TMEM245: variants seen among roughly 807,000 people sequenced by gnomAD.
TMEM245 encodes transmembrane protein 245, also known as protein CG-2.
Under a neutral mutation model 101.2 loss-of-function variants are expected in TMEM245, and 69 were observed. The observed-to-expected ratio is 0.68, with a 90% CI of 0.56 to 0.83. TMEM245 has a LOEUF of 0.83. Among genes scored for constraint, TMEM245 ranks in the 40% least tolerant of loss-of-function variants. The pLI, the probability that TMEM245 is intolerant of heterozygous loss-of-function variation, is 0.00. For missense variants in TMEM245, 1,075 were observed against 1,092.8 expected (o/e 0.98, Z 0.23); for synonymous variants, 537 against 449.8 (o/e 1.19, Z -2.45).
At chr9:109,058,167 AT>A (rs562527054) in intron 11 of TMEM245, among the ~76,000 whole-genome samples, 4 of 146,226 alleles carry the variant, frequency 2.7e-5, no homozygotes, top group Middle Eastern at 3.5e-3. Flanking sequence ...CGCCTGGCTA[AT>A]TTTTTTTTTG....
chr9:109,111,041 C>A (rs1252373800), intron 1 of TMEM245, among the ~76,000 whole-genome samples: 1 of 147,122 alleles, frequency 6.8e-6, no homozygotes, highest in Admixed American at 6.7e-5. Context: ...ATAGAAATCA[C>A]AACATGATAA....
chr9:109,119,545 C>T lies in TMEM245; in HGVS notation c.369G>A (p.Ala123=). 3 of 1,531,518 alleles carry T rather than the reference C, an allele frequency of 2.0e-6. No individual in the cohort carries two copies. The highest frequency in any genetic ancestry group is 1.2e-5 in the South Asian group (1 of 83,422). The allele number at this position is 1,531,518 out of a possible 1,614,324, so 94.9% of individuals were successfully genotyped here. A position where few individuals can be genotyped will look rare whatever the true frequency, so the allele number is the denominator to read the frequency against. The change falls in exon 1 of 18, where the codon GCG becomes GCA. Residue 123 remains alanine (A), a synonymous_variant. Coordinates refer to ENST00000374586, the MANE Select transcript of TMEM245 (RefSeq NM_032012.4). ...HRAHTPIVLA[A]LLLPLCFVDY... ...CGACGAAGCAGAGCGGCAGGAGCAG[C>T]GCGGCCAGGACGATGGGCGTGTGCG...
At chr9:109,105,012 G>T (rs1176392911) in intron 3 of TMEM245, among the ~76,000 whole-genome samples, 1 of 152,062 alleles carries the variant, frequency 6.6e-6, no homozygotes, top group Admixed American at 6.5e-5. Flanking sequence ...AGATAAACTG[G>T]ACTTCATCAA....
intron 12 of TMEM245, among the ~76,000 whole-genome samples, chr9:109,055,029 A>G (rs954035016): frequency 1.3e-5 from 2 of 152,224 alleles, no homozygotes; most frequent in Non-Finnish European, 2.9e-5. Flanking sequence ...TTGAGGGATT[A>G]CATGGCAAAA....
At chr9:109,022,445 C>G (rs1018576415) in intron 17 of TMEM245, among the ~76,000 whole-genome samples, 2 of 148,590 alleles carry the variant, frequency 1.3e-5, no homozygotes, top group Non-Finnish European at 3.0e-5. Context: ...GATTTGTATA[C>G]GCACATGTAT....
chr9:109,104,350 TAAAA>T (rs1193404773), intron 3 of TMEM245, among the ~76,000 whole-genome samples: 1 of 151,654 alleles, frequency 6.6e-6, no homozygotes, highest in East Asian at 1.9e-4. Context: ...AATTTAAAAT[TAAAA>T]AAAACACTAA....
intron 13 of TMEM245, 48 bp downstream of exon 13, chr9:109,050,522 C>G: frequency 6.2e-7 from 1 of 1,613,242 alleles, no homozygotes; most frequent in Non-Finnish European, 8.5e-7. Context: ...CAGAAATATG[C>G]TTTAACAGGG....
chr9:109,025,468 C>A (rs1044210718), intron 17 of TMEM245, among the ~76,000 whole-genome samples: 1 of 152,198 alleles, frequency 6.6e-6, no homozygotes, highest in South Asian at 2.1e-4. Context: ...GTTACTCAAT[C>A]TTCCCTAGAG....
At position 109,016,940 on chromosome 9, in the gene TMEM245, G is replaced by T. The variant is rs551546974; in HGVS notation, c.*3520C>A. 31 of 151,340 alleles carry T rather than the reference G, an allele frequency of 2.0e-4. No individual in the cohort carries two copies. The East Asian group carries it at 4.3e-3, about 21-fold the overall frequency. 9.4% of individuals were successfully genotyped at this position (151,340 alleles called of 1,614,324 possible). The stretch of plus-strand genomic sequence containing the variant: ...GAAGTCCTAAGGGTTTTTGTATTTT[G>T]TTTTTTTTTCCTATAAACCCTGAGG... On this transcript the variant is annotated 3_prime_UTR_variant, in exon 18 of 18. Coordinates refer to ENST00000374586, the MANE Select transcript of TMEM245 (RefSeq NM_032012.4).
At chr9:109,052,495 T>G (rs920866362) in intron 12 of TMEM245, among the ~76,000 whole-genome samples, 3 of 152,228 alleles carry the variant, frequency 2.0e-5, no homozygotes, top group African/African-American at 7.2e-5. Context: ...ATGAAAAGTC[T>G]TCTCCATTCC....
chr9:109,093,506 G>A lies in TMEM245; in HGVS notation c.885C>T (p.Ser295=). ...GCTGAGTGGAGGGCTGGTCTTCACT[G>A]CTTGATTCATACCCTGTGATAGAGA... ...LAISITGYES[S]SEDQPSTQPA... The change falls in exon 4 of 18, where the codon AGC becomes AGT. Residue 295 remains serine (S), a synonymous_variant. Coordinates refer to ENST00000374586, the MANE Select transcript of TMEM245 (RefSeq NM_032012.4). 1 of 1,614,024 alleles carries A rather than the reference G, an allele frequency of 6.2e-7. No homozygotes were observed. Among genetic ancestry groups the A allele is most frequent in the Non-Finnish European group, 8.5e-7 (1 of 1,179,990 alleles).
intron 9 of TMEM245, among the ~76,000 whole-genome samples, chr9:109,069,857 A>G (rs1359246991): frequency 6.6e-6 from 1 of 152,118 alleles, no homozygotes; most frequent in Non-Finnish European, 1.5e-5. Context: ...CGTTCCCAAT[A>G]ATTTCTCATC....
chr9:109,106,252 TATAAAAATAAAATATTTTA>T (rs1190489903), intron 3 of TMEM245, among the ~76,000 whole-genome samples: 4 of 151,592 alleles, frequency 2.6e-5, no homozygotes, highest in African/African-American at 4.8e-5. Flanking sequence ...TATTTTATTT[TATAAAAATAAAATATTTTA>T]ATAAAATTAA....
chr9:109,050,661 C>T lies in TMEM245; in HGVS notation c.1886G>A (p.Arg629Gln), dbSNP rs765672776. 4.3e-6 allele frequency: 7 copies of T among 1,612,640 alleles called. No individual in the cohort carries two copies. The highest frequency in any genetic ancestry group is 5.9e-6 in the Non-Finnish European group (7 of 1,179,762). The change falls in exon 13 of 18, where the codon CGG (arginine) becomes CAG (glutamine). Residue 629 changes from arginine to glutamine, a missense_variant. This residue lies in a region of TMEM245 where 267 missense variants were observed against 351.3 expected (regional missense o/e 0.76). Transcript: ENST00000374586. ...ILESLWIVMS[R>Q]NVSLLFTTVT... Reference sequence around the variant, plus strand: ...AGTGGTGAACAGCAGGCTCACATTCCGGCTCATAACGATCCACAGAGACTC... The same window carrying T: ...AGTGGTGAACAGCAGGCTCACATTCTGGCTCATAACGATCCACAGAGACTC...
chr9:109,054,454 A>G (rs1413209838), intron 12 of TMEM245, among the ~76,000 whole-genome samples: 1 of 152,226 alleles, frequency 6.6e-6, no homozygotes, highest in African/African-American at 2.4e-5. Flanking sequence ...CTAAAGTGTC[A>G]AAAATTGAAA....
rs767051090 is a variant in TMEM245, at chr9:109,018,138, A to G, written c.*2322T>C. On this transcript the variant is annotated 3_prime_UTR_variant, in exon 18 of 18. Coordinates refer to ENST00000374586, the MANE Select transcript of TMEM245 (RefSeq NM_032012.4). ...GAAACATTAGCTGTAGTTTTTTGCA[A>G]TATCACTTTATACAGCTAAAATCAC... 20 of 152,240 alleles carry G rather than the reference A, an allele frequency of 1.3e-4. No individual in the cohort carries two copies. The highest frequency in any genetic ancestry group is 2.9e-4 in the Non-Finnish European group (20 of 68,040). 9.4% of individuals were successfully genotyped at this position (152,240 alleles called of 1,614,324 possible). A position where few individuals can be genotyped will look rare whatever the true frequency, so the allele number is the denominator to read the frequency against.
rs1261591603 is a variant in TMEM245, at chr9:109,080,878, C to A, written c.1410G>T (p.Val470=). ...IISIFIIFLL[V]IGTLLLALLL... is the part of the protein sequence containing the mutation. The stretch of plus-strand genomic sequence containing the variant: ...GTAGGGCTAAAAGAAGAGTTCCTAT[C>A]ACTAACAAAAATATGATGAAAATGC... The change falls in exon 8 of 18, where the codon GTG becomes GTT. Residue 470 remains valine, a synonymous_variant. Coordinates refer to ENST00000374586, the MANE Select transcript of TMEM245 (RefSeq NM_032012.4). The A allele has an allele frequency of 6.2e-7, 1 of 1,609,764 alleles. No individual in the cohort carries two copies. Among genetic ancestry groups the A allele is most frequent in the Non-Finnish European group, 8.5e-7 (1 of 1,176,664 alleles).
At chr9:109,076,722 G>A (rs1829521747) in intron 8 of TMEM245, among the ~76,000 whole-genome samples, 1 of 152,006 alleles carries the variant, frequency 6.6e-6, no homozygotes, top group Non-Finnish European at 1.5e-5. Context: ...CAGTGATCTC[G>A]CTCTGTCACC....
chr9:109,090,915 T>C lies in TMEM245; in HGVS notation c.1150+7A>G, dbSNP rs1483413342. On this transcript the variant is annotated splice_region_variant and intron_variant, in intron 5 of 17. Transcript: ENST00000374586. ...CAAGACGAGATCGTACTTAACCAGATAACGACCTGCAATCGGCACTGGCAG... is the reference window on the plus strand; with the variant it reads ...CAAGACGAGATCGTACTTAACCAGACAACGACCTGCAATCGGCACTGGCAG... The C allele has an allele frequency of 1.9e-6, 3 of 1,613,576 alleles. No individual in the cohort carries two copies. Among genetic ancestry groups the C allele is most frequent in the South Asian group, 2.2e-5 (2 of 91,038 alleles).
Sources: allele counts gnomAD v4.1 joint callset (sites outside exome capture counted in the v4.1 genomes callset), GRCh38; gene constraint gnomAD v4.1.1; regional missense constraint gnomAD v4.1.1; transcripts MANE v1.5; gene names NCBI Gene and HGNC (gene_info 2026-07-23, HGNC 2026-07-21).